Variants in TMEM69 observed in about 807,000 individuals in gnomAD.
TMEM69 encodes the protein transmembrane protein 69.
A neutral mutation model predicts 15.8 loss-of-function variants in TMEM69; 17 were observed. That is an observed-to-expected ratio of 1.07 (90% CI 0.73 to 1.61). TMEM69 has a LOEUF of 1.61. Among genes scored for constraint, TMEM69 ranks in the 40% most tolerant of loss-of-function variants. The pLI, the probability that TMEM69 is intolerant of heterozygous loss-of-function variation, is 0.00. For missense variants in TMEM69, 230 were observed against 286.1 expected (o/e 0.80, Z 1.41); for synonymous variants, 80 against 98.6 (o/e 0.81, Z 1.12).
At chr1:45,689,284 T>G (rs149169564) in intron 1 of TMEM69, among the ~76,000 whole-genome samples, 1,773 of 152,282 alleles carry the variant, frequency 0.012, 26 homozygotes, top group African/African-American at 0.037. Context: ...AATGAAATTG[T>G]CAGATCTAGA....
At position 45,693,437 on chromosome 1, in the gene TMEM69, C is replaced by T; in HGVS notation, c.276C>T (p.Asp92=). Residue 92 remains aspartate, a synonymous_variant, in exon 3 of 3, where the codon GAC becomes GAT. Coordinates refer to ENST00000372025, the MANE Select transcript of TMEM69 (RefSeq NM_016486.4). ...RPSSTITYLT[D]SPKPALCVTL... ...CAAGCACCATCACTTACCTAACTGA[C>T]AGCCCAAAGCCAGCATTATGTGTAA... The T allele has an allele frequency of 6.2e-7, 1 of 1,614,224 alleles. No homozygotes were observed.
chr1:45,693,265 A>G lies in TMEM69; in HGVS notation c.104A>G (p.Lys35Arg). 1.9e-6 allele frequency: 3 copies of G among 1,614,136 alleles called. No individual in the cohort carries two copies. Among genetic ancestry groups the G allele is most frequent in the South Asian group, 2.2e-5 (2 of 91,074 alleles). ...RTSRTDILSL[K>R]MSLQQNFSPC... is the part of the protein sequence containing the mutation. ...AGCAGAACAGATATACTTTCTCTCA[A>G]GATGTCTCTCCAGCAAAACTTTTCC... Residue 35 changes from lysine (K) to arginine (R), a missense_variant, in exon 3 of 3, where the codon AAG becomes AGG. By Grantham distance (26) the Lys-to-Arg change is conservative. Coordinates refer to ENST00000372025, the MANE Select transcript of TMEM69 (RefSeq NM_016486.4).
intron 1 of TMEM69, among the ~76,000 whole-genome samples, chr1:45,688,488 G>A (rs1165522406): frequency 6.6e-6 from 1 of 152,118 alleles, no homozygotes; most frequent in Non-Finnish European, 1.5e-5. Context: ...GGAATATTGA[G>A]CTTTTTCATT....
Position 45,694,218 on chromosome 1 carries a change from TC to T in TMEM69, c.*317del. On this transcript the variant is annotated 3_prime_UTR_variant, in exon 3 of 3. Transcript: ENST00000372025. Reference sequence around the variant, plus strand: ...TTTTCTACTTCTGTTTGGCTTTTTTTCCCCACACCAATGGTAATTTATCTTC... The same window carrying T: ...TTTTCTACTTCTGTTTGGCTTTTTTTCCCACACCAATGGTAATTTATCTTC... 1.9e-6 allele frequency: 1 copy of T among 523,876 alleles called. No homozygotes were observed. The allele number at this position is 523,876 out of a possible 1,614,324, so 32.5% of individuals were successfully genotyped here.
intron 2 of TMEM69, among the ~76,000 whole-genome samples, chr1:45,691,358 TCTG>T (rs1645343985): frequency 6.6e-6 from 1 of 151,882 alleles, no homozygotes; most frequent in African/African-American, 2.4e-5. Context: ...TCAAGACCAG[TCTG>T]GGCACATGGC....
chr1:45,693,989 G>A lies in TMEM69; in HGVS notation c.*84G>A, dbSNP rs982369543. 2.9e-5 allele frequency: 26 copies of A among 906,708 alleles called. No individual in the cohort carries two copies. Among genetic ancestry groups the A allele is most frequent in the East Asian group, 2.1e-4 (8 of 37,696 alleles). 56.2% of individuals were successfully genotyped at this position (906,708 alleles called of 1,614,324 possible). On this transcript the variant is annotated 3_prime_UTR_variant, in exon 3 of 3. Transcript: ENST00000372025. ...AAGTGAGGAGCGCCTCTGCCTGGCC[G>A]CCTGACCATCTGGGAAGTGTGACAA...
At position 45,693,937 on chromosome 1, in the gene TMEM69, C is replaced by A; in HGVS notation, c.*32C>A. 1 of 1,411,328 alleles carries A rather than the reference C, an allele frequency of 7.1e-7. No individual in the cohort carries two copies. Among genetic ancestry groups the A allele is most frequent in the African/African-American group, 1.4e-5 (1 of 69,938 alleles). The allele number at this position is 1,411,328 out of a possible 1,614,324, so 87.4% of individuals were successfully genotyped here. A position where few individuals can be genotyped will look rare whatever the true frequency, so the allele number is the denominator to read the frequency against. On this transcript the variant is annotated 3_prime_UTR_variant, in exon 3 of 3. Coordinates refer to ENST00000372025, the MANE Select transcript of TMEM69 (RefSeq NM_016486.4). ...TAAAAGTCTGGGAAGTGAGGAGCAC[C>A]TCTGCCCAGCTGCTGCCCCGTCTGG...
chr1:45,690,480 C>T (rs961592122), intron 1 of TMEM69, among the ~76,000 whole-genome samples: 17 of 151,896 alleles, frequency 1.1e-4, no homozygotes, highest in African/African-American at 3.6e-4. Context: ...CCAGCCTGGG[C>T]GACACAGCAA....
intron 2 of TMEM69, among the ~76,000 whole-genome samples, chr1:45,691,875 C>CTCAAAA (rs775998567): frequency 6.6e-6 from 1 of 150,808 alleles, no homozygotes; most frequent in Non-Finnish European, 1.5e-5. Flanking sequence ...AGGCCAGGCA[C>CTCAAAA]GGTCACTCAC....
intron 1 of TMEM69, among the ~76,000 whole-genome samples, chr1:45,688,621 G>C (rs1429564750): frequency 6.6e-6 from 1 of 152,124 alleles, no homozygotes; most frequent in Admixed American, 6.6e-5. Context: ...ACAGAGGAAA[G>C]GGAGTTTCCA....
chr1:45,690,966 A>AT lies in TMEM69; in HGVS notation c.-95-7dup. ...GGAAAATTAAGTGACACCTTGTGTT[A>AT]TACACAGAAACATGCCCCTGATTCA... is the stretch of plus-strand genomic sequence containing the variant. On this transcript the variant is annotated splice_polypyrimidine_tract_variant and splice_region_variant and intron_variant, in intron 1 of 2. Coordinates refer to ENST00000372025, the MANE Select transcript of TMEM69 (RefSeq NM_016486.4). 3.2e-6 allele frequency: 4 copies of AT among 1,267,168 alleles called. No homozygotes were observed. In the South Asian group the frequency reaches 4.9e-5, roughly 15 times the overall value. 78.5% of individuals were successfully genotyped at this position (1,267,168 alleles called of 1,614,324 possible).
intron 2 of TMEM69, 98 bp from the exon 3 acceptor site, chr1:45,693,106 T>G: frequency 1.1e-6 from 1 of 884,874 alleles, no homozygotes; most frequent in East Asian, 2.6e-5. Context: ...GTTTGCTCCT[T>G]TCAAACAATC....
Position 45,688,185 on chromosome 1 carries a change from GC to G in TMEM69, c.-184del, listed in dbSNP as rs1405795637. 3.3e-5 allele frequency: 5 copies of G among 152,058 alleles called. No individual in the cohort carries two copies. Among genetic ancestry groups the G allele is most frequent in the African/African-American group, 7.3e-5 (3 of 41,372 alleles). The allele number at this position is 152,058 out of a possible 1,614,324, so 9.4% of individuals were successfully genotyped here. A position where few individuals can be genotyped will look rare whatever the true frequency, so the allele number is the denominator to read the frequency against. ...AGTAGGGGCCTCTCTGAATCCACTT[GC>G]CGGAAGTGCCTTTCCAGTGGACCTG... On this transcript the variant is annotated 5_prime_UTR_variant, in exon 1 of 3. Coordinates refer to ENST00000372025, the MANE Select transcript of TMEM69 (RefSeq NM_016486.4).
At chr1:45,689,044 C>T (rs1645325007) in intron 1 of TMEM69, among the ~76,000 whole-genome samples, 1 of 151,716 alleles carries the variant, frequency 6.6e-6, no homozygotes, top group South Asian at 2.1e-4. Context: ...GCTGGGATTA[C>T]AGGCGCCTGC....
chr1:45,692,377 A>AT (rs1000540441), intron 2 of TMEM69, among the ~76,000 whole-genome samples: 11 of 152,116 alleles, frequency 7.2e-5, no homozygotes, highest in Admixed American at 3.9e-4. Context: ...AATAACTTCA[A>AT]TTTTTTCTTT....
At chr1:45,691,165 G>A (rs1020311136) in intron 2 of TMEM69, 55 bp downstream of exon 2, 5 of 1,535,828 alleles carry the variant, frequency 3.3e-6, no homozygotes, top group Non-Finnish European at 4.5e-6. Context: ...GCTTGGGCTA[G>A]GTCAGTAGCA....
In TMEM69 at chr1:45,688,261, T is replaced by C. The variant is rs1645314948; in HGVS notation, c.-110T>C. 6.6e-6 allele frequency: 1 copy of C among 152,194 alleles called. No homozygotes were observed. The highest frequency in any genetic ancestry group is 2.1e-4 in the South Asian group (1 of 4,828). 9.4% of individuals were successfully genotyped at this position (152,194 alleles called of 1,614,324 possible). On this transcript the variant is annotated 5_prime_UTR_variant, in exon 1 of 3. Transcript: ENST00000372025. ...TCTCTCCGTGCAACGCTGGCAAGTC[T>C]CAAAGTCGCCACAGGTGCAGGTTGG...
chr1:45,694,167 A>G lies in TMEM69; in HGVS notation c.*262A>G, dbSNP rs555145420. 1 of 459,860 alleles carries G rather than the reference A, an allele frequency of 2.2e-6. No individual in the cohort carries two copies. The highest frequency in any genetic ancestry group is 2.9e-5 in the South Asian group (1 of 34,704). 28.5% of individuals were successfully genotyped at this position (459,860 alleles called of 1,614,324 possible). On this transcript the variant is annotated 3_prime_UTR_variant, in exon 3 of 3. Transcript: ENST00000372025. ...ATATATATATATAAATACACTGTAGATAACATTTGTATGCCAGCTACACCT... is the reference window on the plus strand; with the variant it reads ...ATATATATATATAAATACACTGTAGGTAACATTTGTATGCCAGCTACACCT...
intron 2 of TMEM69, among the ~76,000 whole-genome samples, chr1:45,691,408 G>A (rs906058683): frequency 2.0e-5 from 3 of 151,946 alleles, no homozygotes; most frequent in Non-Finnish European, 2.9e-5. Flanking sequence ...CTGGGCATGG[G>A]GTCACACGCC....
Sources: gnomAD v4.1 joint callset for allele counts (sites outside exome capture counted in the v4.1 genomes callset) on GRCh38, gnomAD v4.1.1 for gene constraint, MANE v1.5 for transcripts, NCBI Gene and HGNC (gene_info 2026-07-23, HGNC 2026-07-21) for gene names.